Variants in SLC1A2 observed in about 807,000 individuals in gnomAD.
SLC1A2 encodes the protein excitatory amino acid transporter 2.
Under a neutral mutation model 48.8 loss-of-function variants are expected in SLC1A2, and 15 were observed. The ratio of observed to expected loss-of-function variants is 0.31; its 90% CI spans 0.21 to 0.47. The LOEUF (loss-of-function observed/expected upper bound fraction) is 0.47, where lower values mean the gene tolerates loss of function less well. SLC1A2 is among the 20% of genes least tolerant of loss of function. SLC1A2 has a pLI of 0.99. For synonymous variants in SLC1A2, 279 were observed against 272.6 expected (o/e 1.02, Z -0.23); for missense variants, 502 against 730.5 (o/e 0.69, Z 3.61).
intron 7 of SLC1A2, among the ~76,000 whole-genome samples, chr11:35,289,255 C>T (rs1850919100): frequency 6.6e-6 from 1 of 151,972 alleles, no homozygotes; most frequent in Non-Finnish European, 1.5e-5. Flanking sequence ...TGTACAAGGG[C>T]CGAGGAGGCA....
intron 9 of SLC1A2, among the ~76,000 whole-genome samples, chr11:35,269,549 A>G (rs1262788326): frequency 6.6e-6 from 1 of 152,228 alleles, no homozygotes; most frequent in Non-Finnish European, 1.5e-5. Flanking sequence ...TTTCCAGTTT[A>G]ACACATCCAT....
chr11:35,340,339 T>A (rs1361643162), intron 1 of SLC1A2, among the ~76,000 whole-genome samples: 1 of 152,196 alleles, frequency 6.6e-6, no homozygotes, highest in African/African-American at 2.4e-5. Flanking sequence ...GGCACAGAGA[T>A]AAAAGGGCTG....
At chr11:35,381,685 C>T (rs1185493636) in intron 1 of SLC1A2, among the ~76,000 whole-genome samples, 1 of 152,158 alleles carries the variant, frequency 6.6e-6, no homozygotes, top group African/African-American at 2.4e-5. Context: ...GGACACCAGC[C>T]CCCTCAGCGA....
At chr11:35,297,693 A>C (rs1260028341) in intron 6 of SLC1A2, 1 of 152,216 alleles carries the variant, frequency 6.6e-6, no homozygotes, top group East Asian at 1.9e-4. Flanking sequence ...GGATACGAAA[A>C]TCATACAAAA....
chr11:35,412,832 G>A (rs900718507), intron 1 of SLC1A2, among the ~76,000 whole-genome samples: 5 of 152,206 alleles, frequency 3.3e-5, no homozygotes, highest in African/African-American at 1.2e-4. Context: ...TGGGACCCAT[G>A]TGGTCATGCC....
chr11:35,310,057 A>G (rs956874845), intron 4 of SLC1A2, among the ~76,000 whole-genome samples: 1 of 152,168 alleles, frequency 6.6e-6, no homozygotes. Flanking sequence ...CATCCACCAC[A>G]GCGCTCACCG....
intron 1 of SLC1A2, among the ~76,000 whole-genome samples, chr11:35,360,971 G>C (rs1032963132): frequency 6.6e-6 from 1 of 152,002 alleles, no homozygotes; most frequent in African/African-American, 2.4e-5. Flanking sequence ...CACCTCCCGG[G>C]CTCAAGTGAT....
At chr11:35,373,877 T>C (rs887667678) in intron 1 of SLC1A2, among the ~76,000 whole-genome samples, 2 of 152,328 alleles carry the variant, frequency 1.3e-5, no homozygotes, top group African/African-American at 4.8e-5. Context: ...GCCAGGCACT[T>C]TGCTAAGTAC....
At chr11:35,290,917 T>G (rs1456619484) in intron 7 of SLC1A2, among the ~76,000 whole-genome samples, 1 of 152,186 alleles carries the variant, frequency 6.6e-6, no homozygotes, top group African/African-American at 2.4e-5. Flanking sequence ...GAATCCTCAT[T>G]GATTTGCAAG....
chr11:35,402,396 A>G (rs533249485), intron 1 of SLC1A2, among the ~76,000 whole-genome samples: 3 of 152,342 alleles, frequency 2.0e-5, no homozygotes, highest in Admixed American at 6.5e-5. Flanking sequence ...AGGTTGGTGA[A>G]CACATCCAGG....
At chr11:35,390,489 A>T (rs1410517223) in intron 1 of SLC1A2, among the ~76,000 whole-genome samples, 1 of 152,156 alleles carries the variant, frequency 6.6e-6, no homozygotes, top group African/African-American at 2.4e-5. Flanking sequence ...CGTTTTACTG[A>T]CCACTCGAAA....
At chr11:35,318,401 AT>A (rs1343696224) in intron 1 of SLC1A2, among the ~76,000 whole-genome samples, 3 of 152,172 alleles carry the variant, frequency 2.0e-5, no homozygotes, top group Admixed American at 1.3e-4. Flanking sequence ...ATCTTAGAAC[AT>A]TTTTTTAGCT....
At chr11:35,323,346 A>G (rs1391407593) in intron 1 of SLC1A2, 1 of 156,326 alleles carries the variant, frequency 6.4e-6, no homozygotes, top group Non-Finnish European at 1.4e-5. Context: ...ATGAGGATAA[A>G]ATGGATATAA....
At position 35,311,887 on chromosome 11, in the gene SLC1A2, AGAGAGG is replaced by A. The variant is rs1485190632; in HGVS notation, c.561+305_561+310del. On this transcript the variant is annotated intron_variant, in intron 4 of 10. Coordinates refer to ENST00000278379, the MANE Select transcript of SLC1A2 (RefSeq NM_004171.4). ...TAGATATAAGGAGAGAGAGAGAGAG[AGAGAGG>A]GAGGGAGAGAGAGAGAGAGAGAGAG... 5.4e-4 allele frequency among the ~76,000 whole-genome samples: 32 copies of A among 59,406 alleles called. 1 individual carries two copies. The East Asian group carries it at 0.018, about 33-fold the overall frequency. The allele number at this position is 59,406 out of a possible 152,430, so 39.0% of individuals were successfully genotyped here. A position where few individuals can be genotyped will look rare whatever the true frequency, so the allele number is the denominator to read the frequency against.
At chr11:35,300,234 C>T (rs1851307753) in intron 6 of SLC1A2, among the ~76,000 whole-genome samples, 1 of 152,230 alleles carries the variant, frequency 6.6e-6, no homozygotes, top group African/African-American at 2.4e-5. Context: ...TGAACTACAG[C>T]TCTTCCTCTC....
intron 1 of SLC1A2, among the ~76,000 whole-genome samples, chr11:35,395,186 TGAG>T (rs1433965574): frequency 6.6e-6 from 1 of 151,698 alleles, no homozygotes; most frequent in Non-Finnish European, 1.5e-5. Flanking sequence ...GCACTTACTC[TGAG>T]GAGGACAGAC....
rs1178179315 is a variant in SLC1A2 at position 35,280,977 on chromosome 11, G to A, written c.1311C>T (p.Val437=). Reference sequence around the variant, plus strand: ...CGGCACTGGGGATACTGGCCGCGCCGACGCTTGCCAGGGTGGCTGTGAGGC... The same window carrying A: ...CGGCACTGGGGATACTGGCCGCGCCAACGCTTGCCAGGGTGGCTGTGAGGC... ...TVSLTATLAS[V]GAASIPSAGL... Residue 437 remains valine, a synonymous_variant, in exon 9 of 11, where the codon GTC becomes GTT. Coordinates refer to ENST00000278379, the MANE Select transcript of SLC1A2 (RefSeq NM_004171.4). The A allele has an allele frequency of 8.7e-6, 14 of 1,610,420 alleles. No homozygotes were observed. Among genetic ancestry groups the A allele is most frequent in the Admixed American group, 1.7e-5 (1 of 59,626 alleles).
At chr11:35,406,762 G>C (rs1855307988) in intron 1 of SLC1A2, among the ~76,000 whole-genome samples, 2 of 152,040 alleles carry the variant, frequency 1.3e-5, no homozygotes, top group Non-Finnish European at 2.9e-5. Context: ...AAAATCAAGA[G>C]TTCCATTGTA....
intron 1 of SLC1A2, among the ~76,000 whole-genome samples, chr11:35,354,145 C>T (rs1233661938): frequency 6.6e-6 from 1 of 152,044 alleles, no homozygotes; most frequent in East Asian, 1.9e-4. Flanking sequence ...GGACAAGAGG[C>T]CTTCTGATAT....
Sources: allele counts gnomAD v4.1 joint callset (sites outside exome capture counted in the v4.1 genomes callset), GRCh38; gene constraint gnomAD v4.1.1; transcripts MANE v1.5; gene names NCBI Gene and HGNC (gene_info 2026-07-23, HGNC 2026-07-21).